The following EYS variants were observed in gnomAD, a reference collection of about 807,000 sequenced individuals.
EYS encodes protein eyes shut homolog.
In EYS, 250 loss-of-function variants were observed where a neutral mutation model predicts 282.1. The observed-to-expected ratio is 0.89, with a 90% confidence interval of 0.80 to 0.98. The LOEUF is 0.98. Among genes scored for constraint, EYS ranks in the 50% least tolerant of loss-of-function variants. The pLI is 0.00. For missense variants in EYS, 4,016 were observed against 3,709.0 expected (o/e 1.08, Z -2.15); for synonymous variants, 1,355 against 1,282.9 (o/e 1.06, Z -1.20).
intron 14 of EYS, among the ~76,000 whole-genome samples, chr6:64,957,240 C>A (rs982106023): frequency 2.6e-5 from 4 of 152,064 alleles, no homozygotes; most frequent in African/African-American, 9.7e-5. Context: ...ACTATTGAGC[C>A]ATTGAGAAGA....
chr6:65,274,400 C>T (rs1202293663), intron 12 of EYS, among the ~76,000 whole-genome samples: 1 of 152,108 alleles, frequency 6.6e-6, no homozygotes, highest in Non-Finnish European at 1.5e-5. Context: ...AAATCTTAAC[C>T]AGGTGGTAAT....
At chr6:64,703,382 GACAC>G (rs1165808043) in intron 22 of EYS, among the ~76,000 whole-genome samples, 39 of 35,892 alleles carry the variant, frequency 1.1e-3, no homozygotes, top group African/African-American at 2.4e-3. Context: ...CACACACACA[GACAC>G]ACACACACAC....
intron 1 of EYS, among the ~76,000 whole-genome samples, chr6:65,677,648 G>A (rs1170749384): frequency 6.6e-6 from 1 of 151,914 alleles, no homozygotes; most frequent in Non-Finnish European, 1.5e-5. Flanking sequence ...CTATAGGGTT[G>A]AGGCAATCCC....
intron 31 of EYS, among the ~76,000 whole-genome samples, chr6:64,087,823 A>G (rs1215801049): frequency 6.6e-6 from 1 of 152,106 alleles, no homozygotes; most frequent in Admixed American, 6.5e-5. Flanking sequence ...ATATGGGTTT[A>G]TATATGAATT....
chr6:63,841,427 T>G (rs1213921549), intron 36 of EYS, among the ~76,000 whole-genome samples: 1 of 152,120 alleles, frequency 6.6e-6, no homozygotes, highest in African/African-American at 2.4e-5. Context: ...TTCTCTAATT[T>G]TTGGTGTTCT....
At chr6:64,825,268 G>T (rs561213802) in intron 19 of EYS, among the ~76,000 whole-genome samples, 1 of 151,702 alleles carries the variant, frequency 6.6e-6, no homozygotes, top group Non-Finnish European at 1.5e-5. Context: ...GTCTTAATCC[G>T]CAATTGCCAT....
intron 1 of EYS, among the ~76,000 whole-genome samples, chr6:65,701,383 AAAAT>A (rs1769668299): frequency 6.6e-6 from 1 of 152,176 alleles, no homozygotes; most frequent in Non-Finnish European, 1.5e-5. Context: ...GGGAAAATTG[AAAAT>A]AAATCTGTCC....
At chr6:65,559,008 CA>C (rs910981072) in intron 2 of EYS, among the ~76,000 whole-genome samples, 87 of 152,094 alleles carry the variant, frequency 5.7e-4, no homozygotes, top group African/African-American at 2.0e-3. Flanking sequence ...TAATATTATA[CA>C]AAATCCATAA....
intron 35 of EYS, among the ~76,000 whole-genome samples, chr6:63,867,396 T>C (rs1041850777): frequency 5.3e-5 from 8 of 152,142 alleles, no homozygotes; most frequent in Admixed American, 1.3e-4. Context: ...AATTGTCCTG[T>C]AAGCAAGTCA....
chr6:64,748,962 G>A (rs1318041936), intron 22 of EYS, among the ~76,000 whole-genome samples: 7 of 152,002 alleles, frequency 4.6e-5, no homozygotes, highest in South Asian at 2.1e-4. Context: ...TAGTAGAAAC[G>A]GGGTTTCACC....
At chr6:63,971,874 A>G (rs1433704707) in intron 35 of EYS, among the ~76,000 whole-genome samples, 4 of 152,226 alleles carry the variant, frequency 2.6e-5, no homozygotes, top group African/African-American at 9.6e-5. Context: ...AAAATCACAT[A>G]TCTTAAAGCA....
At chr6:64,239,122 A>G (rs1045644757) in intron 30 of EYS, among the ~76,000 whole-genome samples, 5 of 152,050 alleles carry the variant, frequency 3.3e-5, no homozygotes, top group Non-Finnish European at 7.3e-5. Context: ...ATTTTTGTAC[A>G]TGTGCCACAT....
intron 22 of EYS, among the ~76,000 whole-genome samples, chr6:64,740,633 A>G (rs56242450): frequency 0.043 from 6,611 of 152,068 alleles, 463 homozygotes; most frequent in African/African-American, 0.15. Context: ...TGTGAGACAC[A>G]TTATCATACA....
chr6:64,305,491 T>C (rs1238541981), intron 30 of EYS, among the ~76,000 whole-genome samples: 1 of 152,200 alleles, frequency 6.6e-6, no homozygotes. Context: ...TTAATTACAA[T>C]GCTACCTTTG....
At chr6:64,104,045 A>G (rs1452718045) in intron 31 of EYS, among the ~76,000 whole-genome samples, 1 of 152,132 alleles carries the variant, frequency 6.6e-6, no homozygotes, top group African/African-American at 2.4e-5. Flanking sequence ...TGGGAGAGTA[A>G]TGAAACCAGT....
At chr6:64,802,980 G>A (rs564394080) in intron 22 of EYS, among the ~76,000 whole-genome samples, 11 of 152,320 alleles carry the variant, frequency 7.2e-5, no homozygotes, top group Non-Finnish European at 1.2e-4. Flanking sequence ...TGGCACAGGT[G>A]CTGGCTCCAT....
At chr6:64,222,424 A>T (rs570516252) in intron 31 of EYS, among the ~76,000 whole-genome samples, 3 of 152,120 alleles carry the variant, frequency 2.0e-5, no homozygotes, top group Admixed American at 6.6e-5. Flanking sequence ...TTGTTTTGCC[A>T]TTGTGTAATA....
chr6:64,997,322 C>G (rs575347982), intron 14 of EYS, among the ~76,000 whole-genome samples: 1 of 151,954 alleles, frequency 6.6e-6, no homozygotes, highest in Non-Finnish European at 1.5e-5. Flanking sequence ...AATATTGCCA[C>G]AAGTTGTGAA....
At chr6:63,731,823 AT>A (rs1401258306) in intron 41 of EYS, among the ~76,000 whole-genome samples, 6 of 152,094 alleles carry the variant, frequency 3.9e-5, no homozygotes, top group African/African-American at 1.4e-4. Context: ...TACAAGTAAT[AT>A]TTTCCCTCTC....
Sources: allele counts gnomAD v4.1 joint callset (sites outside exome capture counted in the v4.1 genomes callset), GRCh38; gene constraint gnomAD v4.1.1; transcripts MANE v1.5; gene names NCBI Gene and HGNC (gene_info 2026-07-23, HGNC 2026-07-21).